Variants in MORN1 observed in about 807,000 individuals in gnomAD.
The protein encoded by MORN1 is MORN repeat-containing protein 1.
MORN1 carries 67 observed loss-of-function variants against 61.9 expected under a neutral mutation model. The observed-to-expected ratio is 1.08, with a 90% CI of 0.89 to 1.33. The LOEUF (loss-of-function observed/expected upper bound fraction) is 1.33, where lower values mean the gene tolerates loss of function less well. Among genes scored for constraint, MORN1 ranks in the 40% most tolerant of loss-of-function variants. The probability of loss-of-function intolerance (pLI) is 0.00; values close to 1 mark genes in which losing one functional copy is unlikely to be tolerated. For synonymous variants in MORN1, 301 were observed against 292.0 expected, an observed-to-expected ratio of 1.03 and a Z score of -0.31; for missense variants, 752 against 691.2, an observed-to-expected ratio of 1.09 and a Z score of -0.99.
At chr1:2,353,254 G>C (rs1641689672) in intron 10 of MORN1, among the ~76,000 whole-genome samples, 1 of 152,282 alleles carries the variant, frequency 6.6e-6, no homozygotes, top group South Asian at 2.1e-4. Context: ...GATTCCTAGT[G>C]TATTTTCCCT....
chr1:2,387,087 C>T (rs573892985), intron 4 of MORN1: 2 of 359,314 alleles, frequency 5.6e-6, no homozygotes, highest in South Asian at 6.9e-5. Context: ...GAAGCCCCTC[C>T]CTGCAGGGCC....
At chr1:2,348,347 T>C (rs1183642159) in intron 10 of MORN1, among the ~76,000 whole-genome samples, 1 of 152,154 alleles carries the variant, frequency 6.6e-6, no homozygotes, top group Non-Finnish European at 1.5e-5. Context: ...TGGGGCAGGA[T>C]TTTCACTGAC....
intron 13 of MORN1, chr1:2,322,089 C>A (rs1640893862): frequency 2.0e-6 from 2 of 985,308 alleles, no homozygotes; most frequent in African/African-American, 1.7e-5. Flanking sequence ...CCCACACCCG[C>A]GCTGGGGCTC....
intron 2 of MORN1, 24 bp downstream of exon 2, chr1:2,389,898 CAAG>C (rs770200283): frequency 2.1e-5 from 33 of 1,607,572 alleles, no homozygotes; most frequent in Non-Finnish European, 2.6e-5. Flanking sequence ...GCAGCAGCTG[CAAG>C]AAGAGACCAC....
intron 8 of MORN1, among the ~76,000 whole-genome samples, chr1:2,369,984 A>G (rs574660714): frequency 6.6e-6 from 1 of 152,378 alleles, no homozygotes; most frequent in African/African-American, 2.4e-5. Flanking sequence ...AGAAGTTGGC[A>G]AACTGATCTT....
chr1:2,380,581 T>C (rs1642349506), intron 6 of MORN1, among the ~76,000 whole-genome samples: 1 of 152,144 alleles, frequency 6.6e-6, no homozygotes, highest in African/African-American at 2.4e-5. Flanking sequence ...TCTTGCTCTG[T>C]CACCCAGGCT....
chr1:2,349,919 G>A (rs1162111095), intron 10 of MORN1, among the ~76,000 whole-genome samples: 2 of 152,230 alleles, frequency 1.3e-5, no homozygotes, highest in African/African-American at 2.4e-5. Flanking sequence ...AAAGCAACCT[G>A]ACGTCCTCTC....
chr1:2,329,810 G>A (rs968043208), intron 12 of MORN1, among the ~76,000 whole-genome samples: 2 of 152,252 alleles, frequency 1.3e-5, no homozygotes, highest in Non-Finnish European at 2.9e-5. Context: ...GCTGGGCCCC[G>A]TGCAGGTACA....
Position 2,348,825 on chromosome 1 carries a change from GCACGCA to G in MORN1, c.1036+8601_1036+8606del, listed in dbSNP as rs1281059767. On this transcript the variant is annotated intron_variant, in intron 10 of 13. Transcript: ENST00000378531. ...CTCCTGCGCGGGCACGCACACACAC[GCACGCA>G]CACGCACACCTGCGCGGGCACGCAC... 8.6e-5 allele frequency among the ~76,000 whole-genome samples: 13 copies of G among 151,816 alleles called. No individual in the cohort carries two copies. In the South Asian group the frequency reaches 1.2e-3, roughly 15 times the overall value.
At chr1:2,354,734 G>C (rs553429161) in intron 10 of MORN1, among the ~76,000 whole-genome samples, 1 of 152,304 alleles carries the variant, frequency 6.6e-6, no homozygotes, top group East Asian at 1.9e-4. Context: ...GGACGCTGCT[G>C]TTGCCCTCCC....
chr1:2,348,707 GCACACCTGCGCGGGCACGCA>G (rs1557876262), intron 10 of MORN1, among the ~76,000 whole-genome samples: 11 of 131,952 alleles, frequency 8.3e-5, no homozygotes, highest in South Asian at 2.4e-4. Context: ...GCACGCACAC[GCACACCTGCGCGGGCACGCA>G]CACGCACACC....
At chr1:2,383,701 G>A (rs1259999669) in intron 6 of MORN1, among the ~76,000 whole-genome samples, 1 of 148,522 alleles carries the variant, frequency 6.7e-6, no homozygotes, top group Non-Finnish European at 1.5e-5. Flanking sequence ...CTATCTGTTA[G>A]TGCTGCTGGA....
chr1:2,384,926 C>A, intron 6 of MORN1, 52 bp downstream of exon 6: 1 of 1,466,742 alleles, frequency 6.8e-7, no homozygotes, highest in Non-Finnish European at 9.1e-7. Flanking sequence ...GCGCCCTGCC[C>A]ACCACGAGGC....
chr1:2,367,110 A>C (rs937904727), intron 8 of MORN1, among the ~76,000 whole-genome samples: 5 of 152,136 alleles, frequency 3.3e-5, no homozygotes, highest in African/African-American at 1.2e-4. Flanking sequence ...AGTGCACACA[A>C]ACTCTTCCCG....
intron 7 of MORN1, 51 bp downstream of exon 7, chr1:2,374,410 C>T (rs1351857951): frequency 6.7e-7 from 1 of 1,500,504 alleles, no homozygotes; most frequent in Admixed American, 2.0e-5. Context: ...GGGCCAGGGA[C>T]ACACCCCACA....
At chr1:2,333,865 T>TG in intron 12 of MORN1, among the ~76,000 whole-genome samples, 1 of 152,318 alleles carries the variant, frequency 6.6e-6, no homozygotes, top group South Asian at 2.1e-4. Flanking sequence ...GACTGAGTGT[T>TG]GGAGGCCTTT....
At chr1:2,367,752 C>T (rs550700292) in intron 8 of MORN1, among the ~76,000 whole-genome samples, 85 of 151,938 alleles carry the variant, frequency 5.6e-4, no homozygotes, top group African/African-American at 2.0e-3. Context: ...CTCAGCCTCT[C>T]AAGTAGCTGG....
intron 8 of MORN1, chr1:2,371,714 C>T (rs892315705): frequency 6.5e-6 from 1 of 153,026 alleles, no homozygotes; most frequent in East Asian, 1.9e-4. Flanking sequence ...GAGTTCGAGA[C>T]CAGCCTGACC....
chr1:2,357,306 G>A lies in MORN1; in HGVS notation c.1036+126C>T. Reference sequence around the variant, plus strand: ...GCCCTGCCTCCTTTCACCCACGCGTGATGACTGACCCTGGGTGCGGCTTGC... The same window carrying A: ...GCCCTGCCTCCTTTCACCCACGCGTAATGACTGACCCTGGGTGCGGCTTGC... On this transcript the variant is annotated intron_variant, in intron 10 of 13. Transcript: ENST00000378531. This position sits in a 1 kb window ranked among gnomAD's most constrained non-coding sequence, Gnocchi z 6.3. 1 of 1,059,720 alleles carries A rather than the reference G, an allele frequency of 9.4e-7. No individual in the cohort carries two copies. Among genetic ancestry groups the A allele is most frequent in the Non-Finnish European group, 1.4e-6 (1 of 740,398 alleles). 65.6% of individuals were successfully genotyped at this position (1,059,720 alleles called of 1,614,324 possible).
Sources: allele counts gnomAD v4.1 joint callset (sites outside exome capture counted in the v4.1 genomes callset), GRCh38; gene constraint gnomAD v4.1.1; non-coding constraint Gnocchi (gnomAD v3.1); transcripts MANE v1.5; gene names NCBI Gene and HGNC (gene_info 2026-07-23, HGNC 2026-07-21).